Variants in OAS1 observed in about 807,000 individuals in gnomAD.
The protein encoded by OAS1 is 2'-5'-oligoadenylate synthase 1.
A neutral mutation model predicts 38.5 loss-of-function variants in OAS1; 24 were observed. The ratio of observed to expected loss-of-function variants is 0.62; its 90% CI spans 0.45 to 0.88. OAS1 has a LOEUF of 0.88. OAS1 is among the 40% of genes least tolerant of loss of function. The probability of loss-of-function intolerance (pLI) is 0.00; values close to 1 mark genes in which losing one functional copy is unlikely to be tolerated. For synonymous variants in OAS1, 169 were observed against 193.9 expected (o/e 0.87, Z 1.07); for missense variants, 482 against 493.9 (o/e 0.98, Z 0.23).
At chr12:112,910,218 A>C (rs1720601127) in intron 2 of OAS1, among the ~76,000 whole-genome samples, 1 of 152,028 alleles carries the variant, frequency 6.6e-6, no homozygotes, top group Non-Finnish European at 1.5e-5. Flanking sequence ...AAATACAAAA[A>C]TTAGCTGGGC....
chr12:112,916,710 T>C lies in OAS1; in HGVS notation c.856T>C (p.Tyr286His), dbSNP rs376237127. ...CTTTAAAAACCCCATTATTGAAAAG[T>C]ACCTGAGAAGGCAGCTCACGAAACC... ...YDFKNPIIEK[Y>H]LRRQLTKPRP... Residue 286 changes from tyrosine (Y) to histidine (H), a missense_variant, in exon 4 of 6, where the codon TAC becomes CAC. Coordinates refer to ENST00000202917, the MANE Select transcript of OAS1 (RefSeq NM_016816.4). The C allele has an allele frequency of 1.4e-5, 23 of 1,614,036 alleles. No individual in the cohort carries two copies. The highest frequency in any genetic ancestry group is 1.9e-5 in the Non-Finnish European group (22 of 1,180,016).
chr12:112,913,975 G>GTGTTTGGTTCCATGACCAT (rs1287176329), intron 3 of OAS1, among the ~76,000 whole-genome samples: 4 of 151,880 alleles, frequency 2.6e-5, no homozygotes, highest in Admixed American at 6.6e-5. Flanking sequence ...GGTTTTTGGG[G>GTGTTTGGTTCCATGACCAT]GAACAGGTGG....
intron 1 of OAS1, 56 bp from the exon 2 acceptor site, chr12:112,908,480 A>G: frequency 6.5e-7 from 1 of 1,529,288 alleles, no homozygotes; most frequent in South Asian, 1.2e-5. Context: ...CTGTCATTTT[A>G]TTTAGGGAGG....
At chr12:112,923,409 C>T (rs2043541952), downstream of OAS1, among the ~76,000 whole-genome samples, 1 of 152,156 alleles carries the variant, frequency 6.6e-6, no homozygotes, top group Non-Finnish European at 1.5e-5. Flanking sequence ...AGCCATCCTA[C>T]CAGGAGTAAG....
At chr12:112,926,103 A>G (rs2043556494) in intron 6 of OAS1, among the ~76,000 whole-genome samples, 2 of 152,298 alleles carry the variant, frequency 1.3e-5, no homozygotes, top group East Asian at 1.9e-4. Context: ...TCTTATAATT[A>G]TCCAATAAAT....
At chr12:112,932,668 T>G (rs905010637), downstream of OAS1, 1 of 152,308 alleles carries the variant, frequency 6.6e-6, no homozygotes, top group Non-Finnish European at 1.5e-5. Flanking sequence ...ATTTACTCAG[T>G]GCTTATCTGA....
intron 5 of OAS1, chr12:112,918,356 T>G (rs1285687850): frequency 1.2e-5 from 3 of 242,438 alleles, no homozygotes; most frequent in Non-Finnish European, 2.5e-5. Context: ...TACTCCATGG[T>G]GTAGATATAC....
chr12:112,914,122 G>A (rs1265390721), intron 3 of OAS1, among the ~76,000 whole-genome samples: 1 of 152,120 alleles, frequency 6.6e-6, no homozygotes, highest in South Asian at 2.1e-4. Context: ...AAAGTCCCAT[G>A]TATCATTCTT....
At chr12:112,913,628 T>C (rs1331261528) in intron 3 of OAS1, among the ~76,000 whole-genome samples, 2 of 152,190 alleles carry the variant, frequency 1.3e-5, no homozygotes, top group East Asian at 3.8e-4. Flanking sequence ...CTATATCTAA[T>C]TTGCTGTAAT....
At chr12:112,927,423 G>A (rs570106196) in intron 6 of OAS1, among the ~76,000 whole-genome samples, 9 of 151,946 alleles carry the variant, frequency 5.9e-5, no homozygotes, top group African/African-American at 1.9e-4. Flanking sequence ...ATCTTCGGTG[G>A]ATTTAAGAAG....
intron 6 of OAS1, among the ~76,000 whole-genome samples, chr12:112,926,615 C>T (rs906698816): frequency 5.9e-5 from 9 of 151,870 alleles, no homozygotes; most frequent in African/African-American, 9.7e-5. Context: ...GATTCAAGGG[C>T]GACAAAAGAT....
intron 4 of OAS1, among the ~76,000 whole-genome samples, chr12:112,917,163 C>T (rs925701747): frequency 3.3e-5 from 5 of 152,126 alleles, no homozygotes; most frequent in African/African-American, 4.8e-5. Context: ...ATGTTCTAGT[C>T]GCTGTGCTGA....
chr12:112,926,305 T>TA (rs1034919872), intron 6 of OAS1, among the ~76,000 whole-genome samples: 2 of 152,060 alleles, frequency 1.3e-5, no homozygotes, highest in African/African-American at 4.8e-5. Flanking sequence ...TTTATGTTAA[T>TA]AAAAAAATGC....
chr12:112,919,380 C>A lies in OAS1; in HGVS notation c.1039-9C>A. 6.2e-7 allele frequency: 1 copy of A among 1,607,602 alleles called. No individual in the cohort carries two copies. The highest frequency in any genetic ancestry group is 8.5e-7 in the Non-Finnish European group (1 of 1,175,580). ...CTCCCTGATGTGATCATGTGTCTCA[C>A]CCTTTCAGGCTGAAAGCAACAGTGC... On this transcript the variant is annotated splice_polypyrimidine_tract_variant and intron_variant, in intron 5 of 5. Transcript: ENST00000202917.
At chr12:112,908,905 A>G in intron 2 of OAS1, 81 bp downstream of exon 2, 4 of 1,437,054 alleles carry the variant, frequency 2.8e-6, no homozygotes, top group African/African-American at 1.4e-5. Context: ...TTTTGCCCCA[A>G]CAGGGCATCT....
intron 6 of OAS1, among the ~76,000 whole-genome samples, chr12:112,926,901 T>G (rs886967401): frequency 6.6e-6 from 1 of 152,176 alleles, no homozygotes; most frequent in Admixed American, 6.5e-5. Flanking sequence ...CCCCCGGGAA[T>G]GCATTCTTTT....
chr12:112,908,030 T>C, intron 1 of OAS1, among the ~76,000 whole-genome samples: 1 of 152,240 alleles, frequency 6.6e-6, no homozygotes, highest in East Asian at 1.9e-4. Context: ...CTCTTGTATG[T>C]ATAACTGTGG....
Position 112,911,272 on chromosome 12 carries a change from C to T in OAS1, c.654+37C>T, listed in dbSNP as rs45453900. On this transcript the variant is annotated intron_variant, in intron 3 of 5. Transcript: ENST00000202917. ...CCACCAGGCCTGGTGGGTCCTGTCT[C>T]GACTGGGAGCAGAGGAGGGGTGGGG... 3.4e-4 allele frequency: 489 copies of T among 1,430,106 alleles called. 1 individual carries two copies. Among genetic ancestry groups the T allele is most frequent in the Middle Eastern group, 5.9e-4 (3 of 5,050 alleles). The allele number at this position is 1,430,106 out of a possible 1,614,324, so 88.6% of individuals were successfully genotyped here.
rs928625308 is a variant in OAS1 at position 112,915,241 on chromosome 12, T to C, written c.655-1268T>C. ...TTCCAATATTATCTTCTAGAATCTTTATGGTTTCAGGTCTTAGATTTAAGT... is the reference window on the plus strand; with the variant it reads ...TTCCAATATTATCTTCTAGAATCTTCATGGTTTCAGGTCTTAGATTTAAGT... On this transcript the variant is annotated intron_variant, in intron 3 of 5. Coordinates refer to ENST00000202917, the MANE Select transcript of OAS1 (RefSeq NM_016816.4). Among the ~76,000 whole-genome samples, 3 of 152,212 alleles carry C rather than the reference T, an allele frequency of 2.0e-5. 1 individual carries two copies. The highest frequency in any genetic ancestry group is 7.2e-5 in the African/African-American group (3 of 41,462).
Sources: allele counts gnomAD v4.1 joint callset (sites outside exome capture counted in the v4.1 genomes callset), GRCh38; gene constraint gnomAD v4.1.1; transcripts MANE v1.5; gene names NCBI Gene and HGNC (gene_info 2026-07-23, HGNC 2026-07-21).